CAMKMT: variants seen among roughly 807,000 people sequenced by gnomAD.
CAMKMT encodes calmodulin-lysine N-methyltransferase.
In CAMKMT, 53 loss-of-function variants were observed where a neutral mutation model predicts 48.0. The ratio of observed to expected loss-of-function variants is 1.10; its 90% CI spans 0.89 to 1.39. The LOEUF is 1.39. Ranked by LOEUF, CAMKMT falls within the 40% of genes most tolerant of loss-of-function variation. The pLI, the probability that CAMKMT is intolerant of heterozygous loss-of-function variation, is 0.00. For missense variants in CAMKMT, 428 were observed against 402.7 expected, an observed-to-expected ratio of 1.06 and a Z score of -0.54; for synonymous variants, 165 against 152.3, an observed-to-expected ratio of 1.08 and a Z score of -0.61.
chr2:44,580,604 C>A (rs1558718738), intron 3 of CAMKMT, among the ~76,000 whole-genome samples: 1 of 152,146 alleles, frequency 6.6e-6, no homozygotes. Flanking sequence ...AAAAATTTCT[C>A]AGCTACAGTG....
chr2:44,669,063 G>C (rs776139247), intron 3 of CAMKMT, among the ~76,000 whole-genome samples: 2 of 152,078 alleles, frequency 1.3e-5, no homozygotes, highest in African/African-American at 4.8e-5. Context: ...AATTACAGGC[G>C]TGAGCCACTG....
chr2:44,576,891 A>C (rs1241804685), intron 3 of CAMKMT, among the ~76,000 whole-genome samples: 1 of 152,218 alleles, frequency 6.6e-6, no homozygotes, highest in African/African-American at 2.4e-5. Flanking sequence ...TACTGCAAGG[A>C]ATGTTCATTC....
At chr2:44,503,100 T>C (rs1670085774) in intron 3 of CAMKMT, among the ~76,000 whole-genome samples, 1 of 152,146 alleles carries the variant, frequency 6.6e-6, no homozygotes, top group Admixed American at 6.5e-5. Context: ...AAAACTAAAG[T>C]CTATTCAAAA....
chr2:44,562,996 G>T (rs1353616463), intron 3 of CAMKMT, among the ~76,000 whole-genome samples: 4 of 152,076 alleles, frequency 2.6e-5, no homozygotes, highest in Admixed American at 6.6e-5. Flanking sequence ...ATATGTAAAG[G>T]TTTTTTCTTT....
intron 3 of CAMKMT, among the ~76,000 whole-genome samples, chr2:44,428,426 G>A (rs72877258): frequency 0.074 from 11,234 of 152,194 alleles, 1,300 homozygotes; most frequent in African/African-American, 0.25. Context: ...AATGGAGGTT[G>A]TGATTTTTAT....
intron 3 of CAMKMT, among the ~76,000 whole-genome samples, chr2:44,551,028 C>T (rs1274218394): frequency 6.6e-6 from 1 of 152,116 alleles, no homozygotes; most frequent in African/African-American, 2.4e-5. Flanking sequence ...TTGTTTTCTT[C>T]AGTGTTTTAT....
At chr2:44,456,552 A>G (rs1272442598) in intron 3 of CAMKMT, 1 of 1,549,658 alleles carries the variant, frequency 6.5e-7, no homozygotes, top group Admixed American at 2.0e-5. Context: ...TATACATGTC[A>G]TCCTTTCTCT....
At chr2:44,553,090 T>C (rs1558697686) in intron 3 of CAMKMT, among the ~76,000 whole-genome samples, 2 of 152,200 alleles carry the variant, frequency 1.3e-5, no homozygotes, top group Non-Finnish European at 2.9e-5. Context: ...ATTTAAATTT[T>C]CATGGCACAT....
intron 3 of CAMKMT, among the ~76,000 whole-genome samples, chr2:44,571,778 A>G (rs1668916733): frequency 6.6e-6 from 1 of 152,174 alleles, no homozygotes; most frequent in Non-Finnish European, 1.5e-5. Context: ...GTTCGAGACC[A>G]GCCTGGTGGC....
intron 3 of CAMKMT, among the ~76,000 whole-genome samples, chr2:44,541,579 T>C (rs1305418922): frequency 1.3e-5 from 2 of 152,128 alleles, no homozygotes; most frequent in Non-Finnish European, 1.5e-5. Flanking sequence ...TATATATGCC[T>C]GGGTAACATG....
At chr2:44,596,374 T>C (rs1387165054) in intron 3 of CAMKMT, among the ~76,000 whole-genome samples, 1 of 151,624 alleles carries the variant, frequency 6.6e-6, no homozygotes, top group Non-Finnish European at 1.5e-5. Context: ...GCTTAAACCC[T>C]GGAGGCGGAG....
intron 3 of CAMKMT, among the ~76,000 whole-genome samples, chr2:44,540,982 C>A (rs902061878): frequency 6.6e-6 from 1 of 152,224 alleles, no homozygotes; most frequent in Non-Finnish European, 1.5e-5. Context: ...ATCTTTGTCT[C>A]AATGATTTGA....
chr2:44,413,751 T>C (rs1033017944), intron 3 of CAMKMT, among the ~76,000 whole-genome samples: 4 of 152,206 alleles, frequency 2.6e-5, no homozygotes. Flanking sequence ...ACTTGGCTTA[T>C]ATCTACTGTG....
At chr2:44,664,877 G>C (rs1006207134) in intron 3 of CAMKMT, among the ~76,000 whole-genome samples, 1 of 152,154 alleles carries the variant, frequency 6.6e-6, no homozygotes, top group Non-Finnish European at 1.5e-5. Flanking sequence ...CAGAATGCAA[G>C]AAACTGGCAG....
At chr2:44,615,497 G>C (rs1671837747) in intron 3 of CAMKMT, among the ~76,000 whole-genome samples, 2 of 152,142 alleles carry the variant, frequency 1.3e-5, no homozygotes, top group Admixed American at 1.3e-4. Flanking sequence ...GTAACCAAAG[G>C]AGAATGGAGA....
chr2:44,650,810 A>T (rs187465560), intron 3 of CAMKMT, among the ~76,000 whole-genome samples: 2 of 152,138 alleles, frequency 1.3e-5, no homozygotes, highest in East Asian at 3.9e-4. Flanking sequence ...TAAAAGATTC[A>T]TAAGTCCTAA....
At chr2:44,393,266 G>T (rs1051623773) in intron 3 of CAMKMT, 5 of 152,026 alleles carry the variant, frequency 3.3e-5, no homozygotes, top group Admixed American at 3.3e-4. Context: ...TAATTTTTTT[G>T]TATTTACTTT....
chr2:44,431,005 G>A (rs528480155), intron 3 of CAMKMT, among the ~76,000 whole-genome samples: 27 of 152,184 alleles, frequency 1.8e-4, no homozygotes, highest in African/African-American at 6.5e-4. Flanking sequence ...TAAAATTTCA[G>A]TTATGAAATA....
chr2:44,593,519 A>C (rs1670447171), intron 3 of CAMKMT, among the ~76,000 whole-genome samples: 1 of 152,130 alleles, frequency 6.6e-6, no homozygotes, highest in African/African-American at 2.4e-5. Flanking sequence ...TCCCTGTCCC[A>C]ATGCCACAGC....
Sources: gnomAD v4.1 joint callset for allele counts (sites outside exome capture counted in the v4.1 genomes callset) on GRCh38, gnomAD v4.1.1 for gene constraint, MANE v1.5 for transcripts, NCBI Gene and HGNC (gene_info 2026-07-23, HGNC 2026-07-21) for gene names.